ODAD2: variants seen among roughly 807,000 people sequenced by gnomAD.
The protein encoded by ODAD2 is outer dynein arm-docking complex subunit 2.
Under a neutral mutation model 106.8 loss-of-function variants are expected in ODAD2, and 89 were observed. That is an observed-to-expected ratio of 0.83 (90% CI 0.70 to 0.99). ODAD2 has a LOEUF of 0.99. Among genes scored for constraint, ODAD2 ranks in the 50% least tolerant of loss-of-function variants. The pLI is 0.00. For missense variants in ODAD2, 1,168 were observed against 1,238.5 expected (o/e 0.94, Z 0.85); for synonymous variants, 404 against 436.2 (o/e 0.93, Z 0.92).
At chr10:27,885,509 CAAAAAAAAAAAAA>C (rs781326915) in intron 17 of ODAD2, among the ~76,000 whole-genome samples, 4,989 of 19,478 alleles carry the variant, frequency 0.26, 823 homozygotes, top group Middle Eastern at 0.35. Context: ...GACTCCATCT[CAAAAAAAAAAAAA>C]AAAAAAAAAA....
intron 7 of ODAD2, among the ~76,000 whole-genome samples, chr10:27,976,480 G>T (rs1849195439): frequency 6.6e-6 from 1 of 152,036 alleles, no homozygotes; most frequent in East Asian, 1.9e-4. Flanking sequence ...ACTAAAAATA[G>T]AAAATTTAAA....
chr10:27,928,004 A>G (rs1272193629), intron 16 of ODAD2, among the ~76,000 whole-genome samples: 1 of 152,134 alleles, frequency 6.6e-6, no homozygotes, highest in Non-Finnish European at 1.5e-5. Flanking sequence ...ACTAGTTGAC[A>G]TCACCACTTG....
At chr10:27,909,208 T>C (rs114567733) in intron 16 of ODAD2, among the ~76,000 whole-genome samples, 3,015 of 152,292 alleles carry the variant, frequency 0.02, 101 homozygotes, top group African/African-American at 0.069. Context: ...CCTATCTTCT[T>C]GAAAATTTCG....
intron 15 of ODAD2, among the ~76,000 whole-genome samples, chr10:27,935,856 A>C (rs1845938481): frequency 6.6e-6 from 1 of 152,040 alleles, no homozygotes; most frequent in Non-Finnish European, 1.5e-5. Flanking sequence ...ATATATATAC[A>C]CACACAAATA....
intron 19 of ODAD2, among the ~76,000 whole-genome samples, chr10:27,825,247 A>G (rs1369090621): frequency 6.6e-6 from 1 of 152,198 alleles, no homozygotes; most frequent in African/African-American, 2.4e-5. Flanking sequence ...AGCCACTACT[A>G]TCTCTTGAAC....
intron 17 of ODAD2, among the ~76,000 whole-genome samples, chr10:27,869,018 G>T (rs1840660793): frequency 1.3e-5 from 2 of 151,724 alleles, no homozygotes; most frequent in Non-Finnish European, 2.9e-5. Flanking sequence ...TAAAAGCAAT[G>T]AATGAAAAAC....
intron 2 of ODAD2, among the ~76,000 whole-genome samples, chr10:27,992,078 C>T (rs1003633337): frequency 1.3e-5 from 2 of 152,132 alleles, no homozygotes; most frequent in African/African-American, 2.4e-5. Context: ...CCAAGGGGCA[C>T]GGTCAAGACC....
chr10:27,871,334 T>C (rs1414978744), intron 17 of ODAD2, among the ~76,000 whole-genome samples: 1 of 152,220 alleles, frequency 6.6e-6, no homozygotes, highest in Non-Finnish European at 1.5e-5. Context: ...TAGTTTCTTT[T>C]GCCGTGCAGA....
intron 17 of ODAD2, among the ~76,000 whole-genome samples, chr10:27,890,505 CT>C: frequency 6.6e-6 from 1 of 152,240 alleles, no homozygotes; most frequent in East Asian, 1.9e-4. Flanking sequence ...ATAGGCAATG[CT>C]TTTCGTTGTA....
intron 13 of ODAD2, among the ~76,000 whole-genome samples, chr10:27,940,265 G>GTGAT (rs1554815645): frequency 4.1e-5 from 6 of 146,822 alleles, no homozygotes; most frequent in South Asian, 2.1e-4. Context: ...CAGTATATGT[G>GTGAT]ATATATATAT....
At chr10:27,827,379 C>CACTATATATATATA (rs1239159370) in intron 19 of ODAD2, among the ~76,000 whole-genome samples, 68 of 132,442 alleles carry the variant, frequency 5.1e-4, no homozygotes, top group African/African-American at 1.9e-3. Flanking sequence ...CACACACACA[C>CACTATATATATATA]TATATATATA....
intron 10 of ODAD2, among the ~76,000 whole-genome samples, chr10:27,960,749 C>T (rs1848079471): frequency 6.6e-6 from 1 of 152,148 alleles, no homozygotes; most frequent in African/African-American, 2.4e-5. Flanking sequence ...ATGATTAAAT[C>T]AAGCAAAGCC....
At chr10:27,822,358 T>A (rs1836679983) in intron 19 of ODAD2, among the ~76,000 whole-genome samples, 1 of 152,240 alleles carries the variant, frequency 6.6e-6, no homozygotes, top group Admixed American at 6.5e-5. Flanking sequence ...GGAGTTTTAA[T>A]TAGAGCTGGA....
chr10:27,853,672 A>G (rs1839452425), intron 19 of ODAD2, among the ~76,000 whole-genome samples: 1 of 152,190 alleles, frequency 6.6e-6, no homozygotes, highest in South Asian at 2.1e-4. Context: ...CAGTGAGAAA[A>G]GAGCAAACAG....
chr10:27,939,806 C>A, intron 14 of ODAD2, 91 bp downstream of exon 14: 1 of 582,594 alleles, frequency 1.7e-6, no homozygotes, highest in Non-Finnish European at 2.9e-6. Context: ...TTCCTGAGTC[C>A]CATTCTCACA....
intron 16 of ODAD2, among the ~76,000 whole-genome samples, chr10:27,933,820 T>C (rs1845771553): frequency 6.6e-6 from 1 of 152,222 alleles, no homozygotes; most frequent in Admixed American, 6.5e-5. Flanking sequence ...ATGCAACTTG[T>C]ATTCCTTAGT....
intron 10 of ODAD2, among the ~76,000 whole-genome samples, chr10:27,951,822 T>C (rs1263932263): frequency 6.6e-6 from 1 of 151,892 alleles, no homozygotes; most frequent in Admixed American, 6.6e-5. Flanking sequence ...CATCTGTAAT[T>C]CCAGCACTTT....
At chr10:27,911,402 C>T (rs922433197) in intron 16 of ODAD2, among the ~76,000 whole-genome samples, 7 of 152,258 alleles carry the variant, frequency 4.6e-5, no homozygotes, top group African/African-American at 1.7e-4. Flanking sequence ...AGTTTAGAGA[C>T]TGTATGAATT....
At chr10:27,822,672 G>A (rs972796684) in intron 19 of ODAD2, among the ~76,000 whole-genome samples, 4 of 152,182 alleles carry the variant, frequency 2.6e-5, no homozygotes, top group African/African-American at 9.7e-5. Context: ...GCTCACCAAA[G>A]CCGGGGGCCT....
Sources: allele counts gnomAD v4.1 joint callset (sites outside exome capture counted in the v4.1 genomes callset), GRCh38; gene constraint gnomAD v4.1.1; transcripts MANE v1.5; gene names NCBI Gene and HGNC (gene_info 2026-07-23, HGNC 2026-07-21).